The following MGAM variants were observed in gnomAD, a reference collection of about 807,000 sequenced individuals.
MGAM encodes the protein maltase-glucoamylase.
In MGAM, 253 loss-of-function variants were observed where a neutral mutation model predicts 358.8. The ratio of observed to expected loss-of-function variants is 0.71; its 90% CI spans 0.64 to 0.78. The LOEUF is 0.78. Ranked by LOEUF, MGAM falls within the 30% of genes least tolerant of loss-of-function variation. The pLI, the probability that MGAM is intolerant of heterozygous loss-of-function variation, is 0.00. For synonymous variants in MGAM, 1,105 were observed against 1,227.1 expected (o/e 0.90, Z 2.08); for missense variants, 3,080 against 3,432.6 (o/e 0.90, Z 2.57).
intron 31 of MGAM, among the ~76,000 whole-genome samples, 168 bp from the exon 32 acceptor site, chr7:142,059,304 A>G (rs1585030850): frequency 6.6e-6 from 1 of 152,134 alleles, no homozygotes. Flanking sequence ...ACATTTTAAA[A>G]ATTAAGTGTA....
At chr7:142,066,446 G>T in intron 40 of MGAM, 127 bp from the exon 41 acceptor site, 2 of 1,107,184 alleles carry the variant, frequency 1.8e-6, no homozygotes, top group Non-Finnish European at 2.6e-6. Context: ...TATTCTCTGG[G>T]CCTCATGTAT....
In MGAM at chr7:142,086,355, G is replaced by A. The variant is rs752996670; in HGVS notation, c.6747+27G>A. ...TATAATCCTAAGCGATGATCCAGTA[G>A]TCCCTAGCCTGAGGGTGGGTCACTG... On this transcript the variant is annotated intron_variant, in intron 56 of 70. Transcript: ENST00000475668. 5.4e-6 allele frequency: 8 copies of A among 1,474,472 alleles called. No individual in the cohort carries two copies. In the Admixed American group the frequency reaches 1.6e-4, roughly 29 times the overall value. 91.3% of individuals were successfully genotyped at this position (1,474,472 alleles called of 1,614,324 possible). A position where few individuals can be genotyped will look rare whatever the true frequency, so the allele number is the denominator to read the frequency against.
chr7:141,992,736 C>A (rs1446460436), upstream of MGAM, among the ~76,000 whole-genome samples: 1 of 152,120 alleles, frequency 6.6e-6, no homozygotes, highest in East Asian at 1.9e-4. Flanking sequence ...TGTGGACCAC[C>A]ACACTCAGCT....
chr7:142,044,363 TATG>T (rs1188697017), intron 21 of MGAM, among the ~76,000 whole-genome samples: 2 of 134,542 alleles, frequency 1.5e-5, no homozygotes, highest in Non-Finnish European at 3.2e-5. Context: ...ACATACGATA[TATG>T]ATATATAATG....
chr7:142,085,911 G>C lies in MGAM; in HGVS notation c.6586G>C (p.Ala2196Pro). The C allele has an allele frequency of 6.4e-7, 1 of 1,566,332 alleles. No homozygotes were observed. The highest frequency in any genetic ancestry group is 8.8e-7 in the Non-Finnish European group (1 of 1,141,462). Residue 2196 changes from alanine to proline, a missense_variant, in exon 55 of 71, where the codon GCT becomes CCT. By Grantham distance (27) the Ala-to-Pro change is conservative. Coordinates refer to ENST00000475668, the MANE Select transcript of MGAM (RefSeq NM_001365693.1). ...CAGCCCCAAGTTTGCCGGGTTTCCA[G>C]CTCTGATCAATCGCATGAAGGCTGA... ...TLSPKFAGFP[A>P]LINRMKADGM...
At position 142,094,262 on chromosome 7, in the gene MGAM, G is replaced by A. The variant is rs1242969215; in HGVS notation, c.7173-102G>A. On this transcript the variant is annotated intron_variant, in intron 60 of 70. Transcript: ENST00000475668. ...AGAGTCCCGTGTTCCCTCCAATCAC[G>A]CAGCAAACATTGACTAGGCTCAAGG... 19 of 1,340,976 alleles carry A rather than the reference G, an allele frequency of 1.4e-5. 7 individuals are homozygous for A. The highest frequency in any genetic ancestry group is 2.8e-5 in the African/African-American group (2 of 71,304). The allele number at this position is 1,340,976 out of a possible 1,614,324, so 83.1% of individuals were successfully genotyped here.
rs377213841 is a variant in MGAM at position 142,058,257 on chromosome 7, C to T, written c.3748C>T (p.Arg1250Cys). 2.4e-5 allele frequency: 38 copies of T among 1,613,720 alleles called. No homozygotes were observed. Among genetic ancestry groups the T allele is most frequent in the Admixed American group, 1.7e-5 (1 of 59,998 alleles). ...PYWSLGFQLC[R>C]YGYQNDSEIA... ...CTGGTCTTTGGGGTTCCAGCTGTGT[C>T]GCTATGGCTACCAGAATGACTCTGA... Residue 1250 changes from arginine to cysteine, a missense_variant, in exon 31 of 71, where the codon CGC becomes TGC. Arg to Cys is a radical substitution (Grantham distance 180). Coordinates refer to ENST00000475668, the MANE Select transcript of MGAM (RefSeq NM_001365693.1).
chr7:142,027,234 T>G lies in MGAM; in HGVS notation c.1095+7T>G. ...TGTTCAAGAATATCTAGAGGTAAAC[T>G]TAGGATGTCAAGATTATGACTCAGG... On this transcript the variant is annotated splice_region_variant and intron_variant, in intron 9 of 70. Coordinates refer to ENST00000475668, the MANE Select transcript of MGAM (RefSeq NM_001365693.1). 1 of 1,585,446 alleles carries G rather than the reference T, an allele frequency of 6.3e-7. No individual in the cohort carries two copies. Among genetic ancestry groups the G allele is most frequent in the Non-Finnish European group, 8.7e-7 (1 of 1,154,360 alleles).
rs1207895145 is a variant in MGAM at position 142,043,956 on chromosome 7, C to T, written c.2498+3110C>T. ...ATACACATACGACGTTTAATATATACATTATATACACATACGACGTATAAT... is the reference window on the plus strand; with the variant it reads ...ATACACATACGACGTTTAATATATATATTATATACACATACGACGTATAAT... On this transcript the variant is annotated intron_variant, in intron 21 of 70. Transcript: ENST00000475668. Among the ~76,000 whole-genome samples the T allele has an allele frequency of 1.1e-4, 12 of 108,136 alleles. 1 individual carries two copies. The highest frequency in any genetic ancestry group is 4.2e-4 in the Admixed American group (4 of 9,496). 70.9% of individuals were successfully genotyped at this position (108,136 alleles called of 152,430 possible). A position where few individuals can be genotyped will look rare whatever the true frequency, so the allele number is the denominator to read the frequency against.
Position 142,091,250 on chromosome 7 carries a change from C to CAAA in MGAM, c.6811-650_6811-648dup, listed in dbSNP as rs34993763. On this transcript the variant is annotated intron_variant, in intron 57 of 70. Transcript: ENST00000475668. ...TGGGTGACAGAGCAAGACTCTGTCT[C>CAAA]AAAAAAAAAAAAAAAGAAGTTGTAC... Among the ~76,000 whole-genome samples, 329 of 86,752 alleles carry CAAA rather than the reference C, an allele frequency of 3.8e-3. 5 individuals carry two copies. The highest frequency in any genetic ancestry group is 0.012 in the African/African-American group (303 of 24,404). 56.9% of individuals were successfully genotyped at this position (86,752 alleles called of 152,430 possible). A position where few individuals can be genotyped will look rare whatever the true frequency, so the allele number is the denominator to read the frequency against.
At chr7:142,073,708 A>C (rs1813522797) in intron 44 of MGAM, among the ~76,000 whole-genome samples, 1 of 146,270 alleles carries the variant, frequency 6.8e-6, no homozygotes. Context: ...AGCACTGGAC[A>C]CTTCTCCTGA....
chr7:142,053,082 G>T, intron 26 of MGAM, 98 bp downstream of exon 26: 2 of 1,297,718 alleles, frequency 1.5e-6, no homozygotes, highest in South Asian at 2.6e-5. Context: ...AGTTAATCAT[G>T]CTACAACAGA....
intron 21 of MGAM, among the ~76,000 whole-genome samples, chr7:142,041,920 TAA>T (rs1808672810): frequency 4.9e-5 from 1 of 20,608 alleles, no homozygotes; most frequent in Non-Finnish European, 7.9e-5. Context: ...TATATACGTA[TAA>T]TATATAATAT....
intron 4 of MGAM, 105 bp downstream of exon 4, chr7:142,019,424 C>A: frequency 8.1e-7 from 1 of 1,227,172 alleles, no homozygotes; most frequent in Non-Finnish European, 1.1e-6. Context: ...GGCCATATAA[C>A]CACATGTGAC....
chr7:142,085,947 G>A lies in MGAM; in HGVS notation c.6622G>A (p.Val2208Ile). 1 of 1,565,932 alleles carries A rather than the reference G, an allele frequency of 6.4e-7. No individual in the cohort carries two copies. Among genetic ancestry groups the A allele is most frequent in the Non-Finnish European group, 8.8e-7 (1 of 1,141,094 alleles). The stretch of plus-strand genomic sequence containing the variant: ...TCGCATGAAGGCTGATGGGATGCGG[G>A]TCATCCTCATTCTGGTTAGTCCTGA... ...INRMKADGMR[V>I]ILILDPAISG... Residue 2208 changes from valine (V) to isoleucine (I), a missense_variant, in exon 55 of 71, where the codon GTC (valine) becomes ATC (isoleucine). By Grantham distance (29) the Val-to-Ile change is conservative. This residue lies in a region of MGAM where 932 missense variants were observed against 1,198.2 expected (regional missense o/e 0.78). Coordinates refer to ENST00000475668, the MANE Select transcript of MGAM (RefSeq NM_001365693.1).
Position 142,101,851 on chromosome 7 carries a change from T to C in MGAM, c.7964-779T>C, listed in dbSNP as rs1211256449. Reference sequence around the variant, plus strand: ...TGTACCCGGGAGGCGGAGGTTGCAGTGAGCCGAGATCATGCCATTGCACTC... The same window carrying C: ...TGTACCCGGGAGGCGGAGGTTGCAGCGAGCCGAGATCATGCCATTGCACTC... On this transcript the variant is annotated intron_variant, in intron 68 of 70. Coordinates refer to ENST00000475668, the MANE Select transcript of MGAM (RefSeq NM_001365693.1). 3.3e-5 allele frequency among the ~76,000 whole-genome samples: 5 copies of C among 149,310 alleles called. No homozygotes were observed. The East Asian group carries it at 9.9e-4, about 29-fold the overall frequency.
chr7:142,095,439 C>T, intron 63 of MGAM, 126 bp from the exon 64 acceptor site: 1 of 1,345,288 alleles, frequency 7.4e-7, no homozygotes, highest in Non-Finnish European at 1.0e-6. Flanking sequence ...ATTCTCTGGG[C>T]CTCATGTGTA....
chr7:142,077,348 G>A (rs1435849967), intron 47 of MGAM, among the ~76,000 whole-genome samples: 1 of 145,146 alleles, frequency 6.9e-6, no homozygotes, highest in African/African-American at 2.4e-5. Context: ...GAGTGGGAGT[G>A]GGGGCTGGGG....
chr7:142,063,413 CAA>C, intron 35 of MGAM, 84 bp from the exon 36 acceptor site: 1 of 1,493,078 alleles, frequency 6.7e-7, no homozygotes. Context: ...GGATGTTGAA[CAA>C]TTTATTCACT....
Sources: gnomAD v4.1 joint callset for allele counts (sites outside exome capture counted in the v4.1 genomes callset) on GRCh38, gnomAD v4.1.1 for gene constraint, gnomAD v4.1.1 regional missense constraint, MANE v1.5 for transcripts, NCBI Gene and HGNC (gene_info 2026-07-23, HGNC 2026-07-21) for gene names.